The following AKAP8L variants were observed in gnomAD, a reference collection of about 807,000 sequenced individuals.
The protein encoded by AKAP8L is A-kinase anchoring protein 8 like.
AKAP8L carries 34 observed loss-of-function variants against 77.5 expected under a neutral mutation model. The ratio of observed to expected loss-of-function variants is 0.44; its 90% confidence interval spans 0.33 to 0.58. The LOEUF is 0.58. Ranked by LOEUF, AKAP8L falls within the 20% of genes least tolerant of loss-of-function variation. The pLI is 0.02. For missense variants in AKAP8L, 806 were observed against 887.6 expected (o/e 0.91, Z 1.17); for synonymous variants, 342 against 340.7 (o/e 1.00, Z -0.04).
chr19:15,414,177 G>A (rs1029130206), intron 1 of AKAP8L, among the ~76,000 whole-genome samples: 1 of 147,462 alleles, frequency 6.8e-6, no homozygotes, highest in African/African-American at 2.5e-5. Context: ...CGATTCTCCT[G>A]CCTCAGCCTC....
chr19:15,418,981 G>A lies in AKAP8L; in HGVS notation c.-58C>T, dbSNP rs931767797. 2.5e-6 allele frequency: 4 copies of A among 1,600,608 alleles called. No individual in the cohort carries two copies. Among genetic ancestry groups the A allele is most frequent in the Non-Finnish European group, 3.4e-6 (4 of 1,178,212 alleles). ...GCTTCTGCTGCTCTGAACATCCGAC[G>A]CTGCGATAGCTGCTGCTAACCACAG... On this transcript the variant is annotated 5_prime_UTR_variant, in exon 1 of 14. Transcript: ENST00000397410.
intron 12 of AKAP8L, among the ~76,000 whole-genome samples, chr19:15,382,763 G>C (rs994553521): frequency 1.3e-5 from 2 of 152,188 alleles, no homozygotes; most frequent in African/African-American, 4.8e-5. Context: ...AAGTTCAGGA[G>C]TTCAAGGCTA....
chr19:15,408,666 G>A (rs887234074), intron 2 of AKAP8L, among the ~76,000 whole-genome samples: 3 of 151,630 alleles, frequency 2.0e-5, no homozygotes, highest in Admixed American at 6.6e-5. Context: ...GGAGGATCAC[G>A]AGGTCAGGAG....
intron 1 of AKAP8L, among the ~76,000 whole-genome samples, chr19:15,414,833 C>T (rs1374778355): frequency 6.6e-6 from 1 of 152,174 alleles, no homozygotes; most frequent in Non-Finnish European, 1.5e-5. Flanking sequence ...GGGGGTCTCA[C>T]TGTCATCCAG....
At chr19:15,400,754 C>G in intron 7 of AKAP8L, 40 bp downstream of exon 7, 1 of 1,611,808 alleles carries the variant, frequency 6.2e-7, no homozygotes, top group Non-Finnish European at 8.5e-7. Flanking sequence ...GCCAGCTCGC[C>G]CTGCCTGCAG....
chr19:15,382,711 A>G (rs532920466), intron 12 of AKAP8L, among the ~76,000 whole-genome samples: 2 of 152,342 alleles, frequency 1.3e-5, no homozygotes, highest in Admixed American at 1.3e-4. Context: ...TCGTGCCTGT[A>G]GTCTCAGCTA....
chr19:15,387,863 G>A (rs1163663689), intron 12 of AKAP8L, among the ~76,000 whole-genome samples: 1 of 152,086 alleles, frequency 6.6e-6, no homozygotes, highest in East Asian at 1.9e-4. Flanking sequence ...GGAGGCTGAG[G>A]CAGGAGAATT....
intron 12 of AKAP8L, among the ~76,000 whole-genome samples, chr19:15,384,644 C>T (rs531287233): frequency 1.6e-4 from 25 of 152,262 alleles, no homozygotes; most frequent in Admixed American, 7.2e-4. Context: ...CTATTTCATA[C>T]ATTGTGTGGT....
At chr19:15,405,985 G>GCTCT (rs1394856347) in intron 2 of AKAP8L, among the ~76,000 whole-genome samples, 1 of 152,002 alleles carries the variant, frequency 6.6e-6, no homozygotes, top group Non-Finnish European at 1.5e-5. Context: ...ATCCATCAGG[G>GCTCT]CTCTGCTTGG....
Position 15,401,237 on chromosome 19 carries a change from C to A in AKAP8L, c.729G>T (p.Pro243=), listed in dbSNP as rs188523137. 2,235 of 1,613,600 alleles carry A rather than the reference C, an allele frequency of 1.4e-3. 38 individuals are homozygous for A. The highest frequency in any genetic ancestry group is 1.6e-4 in the Non-Finnish European group (187 of 1,179,736). Residue 243 remains proline, a synonymous_variant, in exon 5 of 14, where the codon CCG becomes CCT. Coordinates refer to ENST00000397410, the MANE Select transcript of AKAP8L (RefSeq NM_014371.4). This position sits in a 1 kb window ranked among gnomAD's most constrained non-coding sequence, Gnocchi z 6.2. ...FQGMRGGGAF[P]GGSRFGFGFG... ...ACCCGAAACCAAAGCGGGAGCCGCCCGGGAAGGCGCCCCCACCTCGCATGC... is the reference window on the plus strand; with the variant it reads ...ACCCGAAACCAAAGCGGGAGCCGCCAGGGAAGGCGCCCCCACCTCGCATGC...
Position 15,399,412 on chromosome 19 carries a change from T to C in AKAP8L, c.1049-2A>G. The C allele has an allele frequency of 6.2e-7, 1 of 1,612,726 alleles. No homozygotes were observed. The highest frequency in any genetic ancestry group is 8.5e-7 in the Non-Finnish European group (1 of 1,178,914). On this transcript the variant is annotated splice_acceptor_variant, in intron 8 of 13. Transcript: ENST00000397410. LOFTEE classifies it high-confidence loss of function. This position sits in a 1 kb window ranked among gnomAD's most constrained non-coding sequence, Gnocchi z 6.1. ...TTTCATCCTGGGTGGTTAGGGCCCC[T>C]GTGGGAGCAGATGGGCACTGTCACC... is the stretch of plus-strand genomic sequence containing the variant.
Position 15,410,551 on chromosome 19 carries a change from C to T in AKAP8L, c.57G>A (p.Ser19=), listed in dbSNP as rs754448640. ...CACAGGTGGGCTGAGCGCTGGTATC[C>T]GAGTATGTCGACTGCAAAGTGGTTT... is the stretch of plus-strand genomic sequence containing the variant. ...GSETTLQSTY[S]DTSAQPTCDY... is the part of the protein sequence containing the mutation. The change falls in exon 2 of 14, where the codon TCG becomes TCA. Residue 19 remains serine, a synonymous_variant. Coordinates refer to ENST00000397410, the MANE Select transcript of AKAP8L (RefSeq NM_014371.4). 7.2e-5 allele frequency: 114 copies of T among 1,591,728 alleles called. No homozygotes were observed. The highest frequency in any genetic ancestry group is 8.4e-5 in the Non-Finnish European group (98 of 1,169,180).
At chr19:15,385,675 T>C (rs560915682) in intron 12 of AKAP8L, among the ~76,000 whole-genome samples, 3 of 151,160 alleles carry the variant, frequency 2.0e-5, no homozygotes, top group East Asian at 4.0e-4. Flanking sequence ...TCACAGCTCA[T>C]TGCAGCCTCA....
chr19:15,414,328 A>T (rs570953663), intron 1 of AKAP8L, among the ~76,000 whole-genome samples: 1 of 152,262 alleles, frequency 6.6e-6, no homozygotes, highest in Non-Finnish European at 1.5e-5. Context: ...AAGTGCTGGG[A>T]TTACAGGCGT....
rs1967944335 is a variant in AKAP8L at position 15,403,685 on chromosome 19, T to C, written c.152A>G (p.Tyr51Cys). ...ATAGTTGGTGGTGTTATCCTGGCCA[T>C]AGCCATAGCCATAGCCATAGCCCTC... The part of the protein sequence containing the change: ...GYEGYGYGYG[Y>C]GQDNTTNYGY... Residue 51 changes from tyrosine to cysteine, a missense_variant, in exon 4 of 14, where the codon TAT becomes TGT. This residue lies in a region of AKAP8L where 580 missense variants were observed against 694.1 expected (regional missense o/e 0.84). Coordinates refer to ENST00000397410, the MANE Select transcript of AKAP8L (RefSeq NM_014371.4). This position sits in a 1 kb window ranked among gnomAD's most constrained non-coding sequence, Gnocchi z 4.3. 6.3e-7 allele frequency: 1 copy of C among 1,590,280 alleles called. No individual in the cohort carries two copies. The highest frequency in any genetic ancestry group is 8.6e-7 in the Non-Finnish European group (1 of 1,168,280).
At chr19:15,402,758 C>T (rs572951049) in intron 4 of AKAP8L, among the ~76,000 whole-genome samples, 1 of 152,356 alleles carries the variant, frequency 6.6e-6, no homozygotes, top group Admixed American at 6.5e-5. Flanking sequence ...ACGCTCCTCA[C>T]CAAAGCCTCG....
At position 15,380,108 on chromosome 19, in the gene AKAP8L, G is replaced by A. The variant is rs1437196470; in HGVS notation, c.*14C>T. On this transcript the variant is annotated 3_prime_UTR_variant, in exon 14 of 14. Coordinates refer to ENST00000397410, the MANE Select transcript of AKAP8L (RefSeq NM_014371.4). ...AGCTTCGGCCACGCGGGCTCCGCCC[G>A]CCCCGAGCTCGGGTCACGGGGCGCC... 20 of 1,464,170 alleles carry A rather than the reference G, an allele frequency of 1.4e-5. No homozygotes were observed. The highest frequency in any genetic ancestry group is 1.8e-5 in the Non-Finnish European group (20 of 1,119,098). 90.7% of individuals were successfully genotyped at this position (1,464,170 alleles called of 1,614,324 possible). A position where few individuals can be genotyped will look rare whatever the true frequency, so the allele number is the denominator to read the frequency against.
At position 15,394,430 on chromosome 19, in the gene AKAP8L, G is replaced by C. The variant is rs987838401; in HGVS notation, c.1536+2720C>G. Among the ~76,000 whole-genome samples the C allele has an allele frequency of 5.3e-5, 8 of 152,200 alleles. No homozygotes were observed. In the East Asian group the frequency reaches 1.3e-3, roughly 26 times the overall value. ...TGGAGGAGGACAAGAGGTTGGGGGG[G>C]CTGATAGCTAAAGGGTTTCTTTTTA... On this transcript the variant is annotated intron_variant, in intron 12 of 13. Transcript: ENST00000397410.
chr19:15,385,337 A>G (rs1050435478), intron 12 of AKAP8L, among the ~76,000 whole-genome samples: 3 of 144,482 alleles, frequency 2.1e-5, no homozygotes, highest in Admixed American at 7.1e-5. Flanking sequence ...GCCCGCCACC[A>G]CGTCTGGCTA....
Sources: gnomAD v4.1 joint callset for allele counts (sites outside exome capture counted in the v4.1 genomes callset) on GRCh38, gnomAD v4.1.1 for gene constraint, gnomAD v4.1.1 regional missense constraint, Gnocchi (gnomAD v3.1) non-coding constraint, MANE v1.5 for transcripts, NCBI Gene and HGNC (gene_info 2026-07-23, HGNC 2026-07-21) for gene names.